NLRP14: variants seen among roughly 807,000 people sequenced by gnomAD.
NLRP14 encodes the protein NLR family pyrin domain containing 14.
NLRP14 carries 105 observed loss-of-function variants against 94.7 expected under a neutral mutation model. The observed-to-expected ratio is 1.11, with a 90% CI of 0.95 to 1.30. NLRP14 has a LOEUF of 1.30. Among genes scored for constraint, NLRP14 ranks in the 50% most tolerant of loss-of-function variants. The probability of loss-of-function intolerance (pLI) is 0.00; values close to 1 mark genes in which losing one functional copy is unlikely to be tolerated. For synonymous variants in NLRP14, 508 were observed against 459.9 expected (o/e 1.10, Z -1.34); for missense variants, 1,362 against 1,254.1 (o/e 1.09, Z -1.30).
intron 11 of NLRP14, 86 bp from the exon 12 acceptor site, chr11:7,071,087 T>C: frequency 6.7e-7 from 1 of 1,496,198 alleles, no homozygotes; most frequent in South Asian, 1.1e-5. Flanking sequence ...CAGTTTTTTT[T>C]CTCCTGAAAT....
At chr11:7,029,891 C>T (rs1286802834) in intron 1 of NLRP14, among the ~76,000 whole-genome samples, 1 of 152,046 alleles carries the variant, frequency 6.6e-6, no homozygotes, top group Admixed American at 6.6e-5. Flanking sequence ...GTTGTTGGGC[C>T]CATCTTGCTA....
At chr11:7,048,201 G>C (rs35911793) in intron 5 of NLRP14, among the ~76,000 whole-genome samples, 26,719 of 151,994 alleles carry the variant, frequency 0.18, 2,934 homozygotes, top group Non-Finnish European at 0.25. Context: ...TCATTCTCTT[G>C]TTAATAGACC....
Position 7,070,378 on chromosome 11 carries a change from A to T in NLRP14, c.3068A>T (p.Gln1023Leu). The change falls in exon 11 of 12, where the codon CAG becomes CTG. Residue 1023 changes from glutamine (Q) to leucine (L), a missense_variant. Physicochemically the swap from Gln to Leu is moderately radical, Grantham distance 113 (BLOSUM62 -2). Coordinates refer to ENST00000299481, the MANE Select transcript of NLRP14 (RefSeq NM_176822.4). ...AGACTGATAAAAATGAATCTGACAC[A>T]GAATACCTTAGGATATGAAGGAATT... ...NKRLIKMNLT[Q>L]NTLGYEGIVK... The T allele has an allele frequency of 6.2e-7, 1 of 1,608,524 alleles. No individual in the cohort carries two copies. Among genetic ancestry groups the T allele is most frequent in the Non-Finnish European group, 8.5e-7 (1 of 1,174,982 alleles).
chr11:7,040,108 A>T (rs998870959), intron 3 of NLRP14, among the ~76,000 whole-genome samples: 4 of 152,212 alleles, frequency 2.6e-5, no homozygotes, highest in Admixed American at 2.0e-4. Flanking sequence ...TATCACATCT[A>T]CTTTCTTTAA....
chr11:7,060,149 A>T, intron 9 of NLRP14, 85 bp downstream of exon 9: 1 of 1,199,932 alleles, frequency 8.3e-7, no homozygotes, highest in Non-Finnish European at 1.2e-6. Context: ...AGAACCGAGC[A>T]TCTATCAGAG....
intron 3 of NLRP14, among the ~76,000 whole-genome samples, chr11:7,041,280 T>A (rs1028399264): frequency 5.3e-5 from 8 of 152,166 alleles, no homozygotes; most frequent in East Asian, 1.9e-4. Flanking sequence ...GCTATTTTTT[T>A]AAAAAAGATT....
At position 7,043,730 on chromosome 11, in the gene NLRP14, A is replaced by C. The variant is rs1852308051; in HGVS notation, c.1704A>C (p.Gly568=). Residue 568 remains glycine (G), a synonymous_variant, in exon 4 of 12, where the codon GGA becomes GGC. Coordinates refer to ENST00000299481, the MANE Select transcript of NLRP14 (RefSeq NM_176822.4). Reference sequence around the variant, plus strand: ...TACTTCAGTGTATGGAAGTATTAGGAAACAGTGACTATTCTCCATCACAGC... The same window carrying C: ...TACTTCAGTGTATGGAAGTATTAGGCAACAGTGACTATTCTCCATCACAGC... The part of the protein sequence containing the change: ...SKLLQCMEVL[G]NSDYSPSQLG... 7 of 1,614,166 alleles carry C rather than the reference A, an allele frequency of 4.3e-6. No homozygotes were observed. The highest frequency in any genetic ancestry group is 5.9e-6 in the Non-Finnish European group (7 of 1,180,006).
In NLRP14 at chr11:7,057,721, C is replaced by T; in HGVS notation, c.2336C>T (p.Ser779Phe). Reference sequence around the variant, plus strand: ...ACTGTATTTTGTTGTCTAAATATATCTAATGCTCTCATCAGAAGCCAGAGC... The same window carrying T: ...ACTGTATTTTGTTGTCTAAATATATTTAATGCTCTCATCAGAAGCCAGAGC... The part of the protein sequence containing the change: ...NLTVFCCLNI[S>F]NALIRSQSLI... The change falls in exon 7 of 12, where the codon TCT (serine) becomes TTT (phenylalanine). Residue 779 changes from serine to phenylalanine, a missense_variant. Ser to Phe is a radical substitution (Grantham distance 155). Transcript: ENST00000299481. The T allele has an allele frequency of 6.2e-7, 1 of 1,612,604 alleles. No individual in the cohort carries two copies. The highest frequency in any genetic ancestry group is 8.5e-7 in the Non-Finnish European group (1 of 1,178,822).
At chr11:7,066,443 AT>A (rs1402019535) in intron 10 of NLRP14, among the ~76,000 whole-genome samples, 1 of 152,050 alleles carries the variant, frequency 6.6e-6, no homozygotes, top group Non-Finnish European at 1.5e-5. Context: ...TTTGATTTGC[AT>A]TTCTCTAATG....
chr11:7,059,534 C>T (rs897230379), intron 8 of NLRP14, among the ~76,000 whole-genome samples: 5 of 151,852 alleles, frequency 3.3e-5, no homozygotes, highest in East Asian at 1.9e-4. Context: ...TTGAAAATGC[C>T]GCTTCTATTA....
intron 8 of NLRP14, 132 bp downstream of exon 8, chr11:7,058,582 ATAT>A: frequency 1.4e-6 from 1 of 704,640 alleles, no homozygotes; most frequent in Admixed American, 2.2e-5. Flanking sequence ...GGTGAAAGTG[ATAT>A]TAATAATTGC....
At chr11:7,033,953 A>G (rs532528651) in intron 1 of NLRP14, among the ~76,000 whole-genome samples, 76 of 152,320 alleles carry the variant, frequency 5.0e-4, no homozygotes, top group African/African-American at 1.6e-3. Flanking sequence ...ATACGATCAC[A>G]ATGACTTATG....
intron 6 of NLRP14, 140 bp from the exon 7 acceptor site, chr11:7,057,537 T>C: frequency 1.3e-6 from 1 of 765,982 alleles, no homozygotes; most frequent in Non-Finnish European, 2.3e-6. Flanking sequence ...GTTAAATAAC[T>C]TTTTTTCTGT....
At chr11:7,065,929 A>T (rs890908697) in intron 10 of NLRP14, among the ~76,000 whole-genome samples, 1 of 151,626 alleles carries the variant, frequency 6.6e-6, no homozygotes, top group South Asian at 2.1e-4. Context: ...TCATTGTTCA[A>T]CTCCCACTTA....
the NLRP14 span, among the ~76,000 whole-genome samples, chr11:7,087,164 T>G: frequency 1.3e-5 from 2 of 152,336 alleles, no homozygotes; most frequent in Admixed American, 1.3e-4. Context: ...CAAATTCTCT[T>G]CCTTCACCAA....
chr11:7,023,290 AT>A lies in NLRP14; in HGVS notation c.-22+2524del, dbSNP rs770002277. 1.0e-3 allele frequency among the ~76,000 whole-genome samples: 154 copies of A among 147,632 alleles called. 3 individuals are homozygous for A. In the East Asian group the frequency reaches 0.027, roughly 26 times the overall value. ...ATATATATAAAATCTTAAAATAGGTATTTTAAGATTGATAAAGTATATATTT... is the reference window on the plus strand; with the variant it reads ...ATATATATAAAATCTTAAAATAGGTATTTAAGATTGATAAAGTATATATTT... On this transcript the variant is annotated intron_variant, in intron 1 of 11. Transcript: ENST00000299481.
chr11:7,041,131 C>T (rs1043574101), intron 3 of NLRP14, among the ~76,000 whole-genome samples: 19 of 152,194 alleles, frequency 1.2e-4, no homozygotes, highest in African/African-American at 3.9e-4. Flanking sequence ...ACTATAGTTT[C>T]GTGGTAGGTT....
rs779687552 is a variant in NLRP14 at position 7,070,400 on chromosome 11, A to G, written c.3090A>G (p.Gly1030=). Residue 1030 remains glycine, a synonymous_variant, in exon 11 of 12, where the codon GGA becomes GGG. Transcript: ENST00000299481. Reference sequence around the variant, plus strand: ...CACAGAATACCTTAGGATATGAAGGAATTGTGAAGTTATATAAAGTCTTGA... The same window carrying G: ...CACAGAATACCTTAGGATATGAAGGGATTGTGAAGTTATATAAAGTCTTGA... ...NLTQNTLGYE[G]IVKLYKVLKS... is the part of the protein sequence containing the mutation. The G allele has an allele frequency of 2.5e-6, 4 of 1,609,784 alleles. No homozygotes were observed. Among genetic ancestry groups the G allele is most frequent in the Non-Finnish European group, 2.6e-6 (3 of 1,176,262 alleles).
At chr11:7,032,799 A>G (rs973800572) in intron 1 of NLRP14, among the ~76,000 whole-genome samples, 3 of 152,180 alleles carry the variant, frequency 2.0e-5, no homozygotes, top group Non-Finnish European at 2.9e-5. Context: ...TTTTAGGGAT[A>G]TGAACATTTT....
Sources: allele counts gnomAD v4.1 joint callset (sites outside exome capture counted in the v4.1 genomes callset), GRCh38; gene constraint gnomAD v4.1.1; transcripts MANE v1.5; gene names NCBI Gene and HGNC (gene_info 2026-07-23, HGNC 2026-07-21).